SMOC1: variants seen among roughly 807,000 people sequenced by gnomAD.
The protein encoded by SMOC1 is SPARC-related modular calcium-binding protein 1.
SMOC1 carries 22 observed loss-of-function variants against 56.3 expected under a neutral mutation model. The ratio of observed to expected loss-of-function variants is 0.39; its 90% CI spans 0.28 to 0.56. The LOEUF (loss-of-function observed/expected upper bound fraction) is 0.56, where lower values mean the gene tolerates loss of function less well. SMOC1 is among the 20% of genes least tolerant of loss of function. The pLI is 0.61. For synonymous variants in SMOC1, 193 were observed against 215.0 expected, an observed-to-expected ratio of 0.90 and a Z score of 0.89; for missense variants, 509 against 565.4, an observed-to-expected ratio of 0.90 and a Z score of 1.01.
At chr14:69,890,840 C>T (rs536383383) in intron 1 of SMOC1, among the ~76,000 whole-genome samples, 17 of 152,324 alleles carry the variant, frequency 1.1e-4, no homozygotes, top group Admixed American at 8.5e-4. Context: ...AAGTTGTACA[C>T]ACTCTTTGAC....
intron 5 of SMOC1, among the ~76,000 whole-genome samples, chr14:69,989,133 C>T (rs920456598): frequency 2.6e-5 from 4 of 152,160 alleles, no homozygotes; most frequent in Non-Finnish European, 4.4e-5. Context: ...AAAGTGGATG[C>T]CCAGTTGTAC....
intron 9 of SMOC1, 26 bp downstream of exon 9, chr14:70,011,593 C>T (rs758647340): frequency 1.1e-5 from 17 of 1,599,874 alleles, no homozygotes; most frequent in East Asian, 4.5e-5. Flanking sequence ...GCCCTGCCGG[C>T]GCCATCACCT....
intron 1 of SMOC1, among the ~76,000 whole-genome samples, chr14:69,941,118 G>A (rs926453921): frequency 6.6e-6 from 1 of 152,062 alleles, no homozygotes; most frequent in African/African-American, 2.4e-5. Flanking sequence ...TCTTTCTCAC[G>A]AGGATGCATG....
rs557076855 is a variant in SMOC1, at chr14:69,933,789, A to T, written c.100-18349A>T. ...TGTCTCAGCCTCCCATAGTGCTGGA[A>T]TTACAGGCATGAGCCATCGCGCCTG... On this transcript the variant is annotated intron_variant, in intron 1 of 11. Coordinates refer to ENST00000361956, the MANE Select transcript of SMOC1 (RefSeq NM_001034852.3). 1.6e-4 allele frequency among the ~76,000 whole-genome samples: 24 copies of T among 152,348 alleles called. 1 individual carries two copies. The South Asian group carries it at 3.5e-3, about 22-fold the overall frequency.
At chr14:69,975,585 A>C in intron 3 of SMOC1, 130 bp from the exon 4 acceptor site, 1 of 746,466 alleles carries the variant, frequency 1.3e-6, no homozygotes, top group African/African-American at 1.7e-5. Context: ...CACTCTGGAG[A>C]CAGATGTGGG....
intron 1 of SMOC1, among the ~76,000 whole-genome samples, chr14:69,884,809 T>C (rs988198587): frequency 2.0e-5 from 3 of 152,204 alleles, no homozygotes; most frequent in African/African-American, 4.8e-5. Context: ...TTTATGCCAT[T>C]ACCATGCTGT....
chr14:69,971,637 G>A (rs1883767170), intron 3 of SMOC1, among the ~76,000 whole-genome samples: 2 of 152,196 alleles, frequency 1.3e-5, no homozygotes, highest in South Asian at 4.1e-4. Context: ...AGGGAAAAAG[G>A]AAGGGTATTA....
chr14:69,998,475 A>C (rs757421360), intron 7 of SMOC1, among the ~76,000 whole-genome samples: 7 of 151,938 alleles, frequency 4.6e-5, no homozygotes, highest in Non-Finnish European at 1.0e-4. Context: ...GCATTTCTTA[A>C]TATACCTAGT....
chr14:70,029,630 G>A (rs1301643374), intron 11 of SMOC1, among the ~76,000 whole-genome samples: 1 of 152,178 alleles, frequency 6.6e-6, no homozygotes, highest in Non-Finnish European at 1.5e-5. Context: ...CCAGTTCTCT[G>A]GTCAAGGCCA....
At chr14:69,989,956 G>T (rs1884503571) in intron 5 of SMOC1, among the ~76,000 whole-genome samples, 1 of 152,226 alleles carries the variant, frequency 6.6e-6, no homozygotes, top group Non-Finnish European at 1.5e-5. Flanking sequence ...TGTCACAGGT[G>T]ATTCCTGGCA....
At chr14:69,945,603 G>A (rs544682278) in intron 1 of SMOC1, among the ~76,000 whole-genome samples, 8 of 152,314 alleles carry the variant, frequency 5.3e-5, no homozygotes, top group African/African-American at 1.9e-4. Flanking sequence ...ACATAATTAT[G>A]AAAAATGATA....
chr14:69,899,944 T>G (rs923499191), intron 1 of SMOC1, among the ~76,000 whole-genome samples: 2 of 152,228 alleles, frequency 1.3e-5, no homozygotes, highest in Non-Finnish European at 2.9e-5. Flanking sequence ...GGCAGTGGTT[T>G]GCCATGTGAA....
intron 1 of SMOC1, among the ~76,000 whole-genome samples, chr14:69,940,217 A>C (rs898857793): frequency 1.3e-5 from 2 of 151,732 alleles, no homozygotes; most frequent in African/African-American, 4.8e-5. Flanking sequence ...CATCTTCCCC[A>C]CTCCCCACTG....
In SMOC1 at chr14:69,984,699, A is replaced by G. The variant is rs563887690; in HGVS notation, c.526+6734A>G. Among the ~76,000 whole-genome samples, 191 of 147,922 alleles carry G rather than the reference A, an allele frequency of 1.3e-3. 1 individual carries two copies. Among genetic ancestry groups the G allele is most frequent in the Admixed American group, 2.3e-3 (35 of 15,026 alleles). ...CTCTACTAAAAAAAAAAAAAAAAAT[A>G]CAAAAATTAGCCAGGCATGGTGGCA... On this transcript the variant is annotated intron_variant, in intron 5 of 11. Transcript: ENST00000361956.
At chr14:70,012,289 A>T (rs1302584439) in intron 9 of SMOC1, among the ~76,000 whole-genome samples, 1 of 152,236 alleles carries the variant, frequency 6.6e-6, no homozygotes, top group Non-Finnish European at 1.5e-5. Context: ...GAATGGAGTC[A>T]TGGTGGCCAG....
chr14:69,954,942 A>T (rs910917034), intron 3 of SMOC1, among the ~76,000 whole-genome samples: 1 of 152,160 alleles, frequency 6.6e-6, no homozygotes, highest in African/African-American at 2.4e-5. Context: ...TAGAGGGATG[A>T]GGAGGTTGAG....
chr14:69,943,469 G>A (rs1226436398), intron 1 of SMOC1, among the ~76,000 whole-genome samples: 1 of 152,200 alleles, frequency 6.6e-6, no homozygotes, highest in Non-Finnish European at 1.5e-5. Context: ...TAGTGGGTGG[G>A]TGAGTGATGT....
chr14:69,879,774 C>T lies in SMOC1; in HGVS notation c.96C>T (p.Pro32=). The T allele has an allele frequency of 4.4e-6, 7 of 1,588,138 alleles. No homozygotes were observed. Among genetic ancestry groups the T allele is most frequent in the Non-Finnish European group, 4.3e-6 (5 of 1,174,192 alleles). ...SPARGHRTTG[P]RFLISDRDPQ... is the part of the protein sequence containing the mutation. ...CTCGCGGCCACCGCACCACAGGCCCCAGGGTAAGTGCGCCCCCAGCTTTGC... is the reference window on the plus strand; with the variant it reads ...CTCGCGGCCACCGCACCACAGGCCCTAGGGTAAGTGCGCCCCCAGCTTTGC... Residue 32 remains proline (P), a synonymous_variant, in exon 1 of 12, where the codon CCC becomes CCT. Coordinates refer to ENST00000361956, the MANE Select transcript of SMOC1 (RefSeq NM_001034852.3).
At chr14:69,925,621 TC>T (rs1269373442) in intron 1 of SMOC1, among the ~76,000 whole-genome samples, 2 of 152,170 alleles carry the variant, frequency 1.3e-5, no homozygotes, top group African/African-American at 4.8e-5. Flanking sequence ...TGTGTCTTAC[TC>T]CCTGTGTCTC....
Sources: allele counts gnomAD v4.1 joint callset (sites outside exome capture counted in the v4.1 genomes callset), GRCh38; gene constraint gnomAD v4.1.1; transcripts MANE v1.5; gene names NCBI Gene and HGNC (gene_info 2026-07-23, HGNC 2026-07-21).